Variants in QDPR observed in about 807,000 individuals in gnomAD.
The protein encoded by QDPR is quinoid dihydropteridine reductase.
QDPR carries 23 observed loss-of-function variants against 31.7 expected under a neutral mutation model. The ratio of observed to expected loss-of-function variants is 0.73; its 90% CI spans 0.52 to 1.03. The LOEUF (loss-of-function observed/expected upper bound fraction) is 1.03, where lower values mean the gene tolerates loss of function less well. Ranked by LOEUF, QDPR falls within the 50% of genes least tolerant of loss-of-function variation. The pLI is 0.00. For synonymous variants in QDPR, 124 were observed against 124.7 expected, an observed-to-expected ratio of 0.99 and a Z score of 0.03; for missense variants, 324 against 323.8, an observed-to-expected ratio of 1.00 and a Z score of 0.00.
chr4:17,501,542 A>C (rs1193306508), intron 4 of QDPR, among the ~76,000 whole-genome samples, 177 bp downstream of exon 4: 1 of 152,134 alleles, frequency 6.6e-6, no homozygotes, highest in Non-Finnish European at 1.5e-5. Context: ...AGGCAAACAA[A>C]AGATCAGAAC....
chr4:17,488,158 G>A (rs1297840394), intron 6 of QDPR, among the ~76,000 whole-genome samples: 2 of 152,036 alleles, frequency 1.3e-5, no homozygotes, highest in Non-Finnish European at 2.9e-5. Flanking sequence ...CTACTCAGGA[G>A]GCTGTGGTGG....
intron 6 of QDPR, among the ~76,000 whole-genome samples, chr4:17,488,765 G>A (rs2108985574): frequency 6.6e-6 from 1 of 152,328 alleles, no homozygotes; most frequent in Admixed American, 6.5e-5. Flanking sequence ...TTCTGGGCCA[G>A]CGCTGATGTG....
At position 17,496,442 on chromosome 4, in the gene QDPR, C is replaced by CAAAAAAAAAAAAAAAAAAA. The variant is rs747311750; in HGVS notation, c.437-4121_437-4103dup. Among the ~76,000 whole-genome samples the CAAAAAAAAAAAAAAAAAAA allele has an allele frequency of 4.3e-4, 28 of 64,614 alleles. 2 individuals carry two copies. The highest frequency in any genetic ancestry group is 1.9e-3 in the South Asian group (2 of 1,072). The allele number at this position is 64,614 out of a possible 152,430, so 42.4% of individuals were successfully genotyped here. On this transcript the variant is annotated intron_variant, in intron 4 of 6. Coordinates refer to ENST00000281243, the MANE Select transcript of QDPR (RefSeq NM_000320.3). ...CTGGGCAATAAGGGCAAAACTGTCT[C>CAAAAAAAAAAAAAAAAAAA]AAAAAAAAAAAAAAAAAAAAAAAAA...
chr4:17,501,980 G>T, intron 3 of QDPR, 121 bp from the exon 4 acceptor site: 1 of 1,229,526 alleles, frequency 8.1e-7, no homozygotes, highest in Non-Finnish European at 1.2e-6. Context: ...CCTATCTACA[G>T]CAAGGTCTAA....
In QDPR at chr4:17,486,972, CT is replaced by C; in HGVS notation, c.*158del. ...CTTTACTTCACATAAATGTATTACACTGTCCTAGGAGAGCAAATGCATATTA... is the reference window on the plus strand; with the variant it reads ...CTTTACTTCACATAAATGTATTACACGTCCTAGGAGAGCAAATGCATATTA... On this transcript the variant is annotated 3_prime_UTR_variant, in exon 7 of 7. Coordinates refer to ENST00000281243, the MANE Select transcript of QDPR (RefSeq NM_000320.3). 1.5e-6 allele frequency: 1 copy of C among 677,940 alleles called. No individual in the cohort carries two copies. The highest frequency in any genetic ancestry group is 1.6e-5 in the South Asian group (1 of 60,750). The allele number at this position is 677,940 out of a possible 1,614,324, so 42.0% of individuals were successfully genotyped here.
intron 2 of QDPR, among the ~76,000 whole-genome samples, chr4:17,507,920 T>C (rs1051370960): frequency 5.3e-5 from 8 of 152,140 alleles, no homozygotes; most frequent in Non-Finnish European, 1.0e-4. Context: ...CTAAGATATT[T>C]ATACCAGGAT....
rs557365114 is a variant in QDPR, at chr4:17,509,512, G to A, written c.106-149C>T. The A allele has an allele frequency of 1.7e-5, 12 of 715,362 alleles. No individual in the cohort carries two copies. The African/African-American group carries it at 2.1e-4, about 13-fold the overall frequency. 44.3% of individuals were successfully genotyped at this position (715,362 alleles called of 1,614,324 possible). A position where few individuals can be genotyped will look rare whatever the true frequency, so the allele number is the denominator to read the frequency against. ...GAGCCAATGTGGGAGGATCTCTTGA[G>A]GCCAAGAGTTTGAGACCAGCCTGGG... On this transcript the variant is annotated intron_variant, in intron 1 of 6. Transcript: ENST00000281243.
chr4:17,489,665 A>T (rs1207362968), intron 6 of QDPR, among the ~76,000 whole-genome samples: 1 of 152,178 alleles, frequency 6.6e-6, no homozygotes, highest in Non-Finnish European at 1.5e-5. Flanking sequence ...CTCCTCCCTC[A>T]GAGTTTGCTA....
intron 3 of QDPR, among the ~76,000 whole-genome samples, 200 bp from the exon 4 acceptor site, chr4:17,502,059 T>C (rs1718584858): frequency 6.6e-6 from 1 of 152,352 alleles, no homozygotes; most frequent in Admixed American, 6.5e-5. Context: ...TGCCTGAGGT[T>C]CAGCTTCCTT....
intron 4 of QDPR, among the ~76,000 whole-genome samples, chr4:17,495,428 C>T (rs1259979281): frequency 6.6e-6 from 1 of 152,202 alleles, no homozygotes; most frequent in Non-Finnish European, 1.5e-5. Flanking sequence ...CGGCACAGCA[C>T]ACCAGAAAGA....
At chr4:17,492,182 G>A (rs774762140) in intron 5 of QDPR, 50 bp downstream of exon 5, 2 of 1,501,682 alleles carry the variant, frequency 1.3e-6, no homozygotes, top group South Asian at 2.3e-5. Flanking sequence ...ACGGTCACCT[G>A]CAGCAGTGGG....
intron 2 of QDPR, among the ~76,000 whole-genome samples, chr4:17,505,189 T>C (rs1446023270): frequency 1.3e-5 from 2 of 151,792 alleles, no homozygotes; most frequent in Non-Finnish European, 1.5e-5. Flanking sequence ...TTCTCTGGAA[T>C]GGCTGAGATG....
chr4:17,502,743 T>C (rs995317605), intron 3 of QDPR, among the ~76,000 whole-genome samples: 2 of 152,156 alleles, frequency 1.3e-5, no homozygotes, highest in African/African-American at 4.8e-5. Context: ...AAAACTACCA[T>C]TTTCCAACCC....
At chr4:17,509,953 A>G (rs1320269221) in intron 1 of QDPR, 1 of 456,228 alleles carries the variant, frequency 2.2e-6, no homozygotes, top group Admixed American at 2.3e-5. Context: ...TGCTGGCCAT[A>G]TGGTATCTGT....
intron 1 of QDPR, among the ~76,000 whole-genome samples, chr4:17,511,542 C>T (rs1719006892): frequency 1.3e-5 from 2 of 152,196 alleles, no homozygotes; most frequent in Non-Finnish European, 2.9e-5. Flanking sequence ...AATGGGGAAA[C>T]CGAGGTCCTA....
At chr4:17,510,238 A>G (rs1241268460) in intron 1 of QDPR, among the ~76,000 whole-genome samples, 1 of 152,220 alleles carries the variant, frequency 6.6e-6, no homozygotes, top group Non-Finnish European at 1.5e-5. Flanking sequence ...TTAGGATTGG[A>G]AATCAGACAG....
At position 17,501,923 on chromosome 4, in the gene QDPR, C is replaced by T. The variant is rs3733571; in HGVS notation, c.296-64G>A. 71,376 of 1,605,594 alleles carry T rather than the reference C, an allele frequency of 0.044. 1,772 individuals carry two copies. The highest frequency in any genetic ancestry group is 0.071 in the East Asian group (3,175 of 44,762). ...AAGAAACCAAAAGGTGAGCTCAACT[C>T]ATGCAGCCCCACACTCAGGGAGGCC... On this transcript the variant is annotated intron_variant, in intron 3 of 6. Transcript: ENST00000281243.
At chr4:17,495,505 C>T (rs1397051126) in intron 4 of QDPR, among the ~76,000 whole-genome samples, 3 of 152,170 alleles carry the variant, frequency 2.0e-5, no homozygotes, top group Admixed American at 6.5e-5. Context: ...GTGACTTGGG[C>T]GAGCAGCTCT....
In QDPR at chr4:17,501,707, A is replaced by G. The variant is rs1718566737; in HGVS notation, c.436+12T>C. The G allele has an allele frequency of 2.5e-6, 4 of 1,613,660 alleles. No individual in the cohort carries two copies. The East Asian group carries it at 8.9e-5, about 36-fold the overall frequency. Reference sequence around the variant, plus strand: ...GCAACCCCACTCCACAGATAGGGAAATAAAGGCTTACCAGGAGTCCCATCC... The same window carrying G: ...GCAACCCCACTCCACAGATAGGGAAGTAAAGGCTTACCAGGAGTCCCATCC... On this transcript the variant is annotated intron_variant, in intron 4 of 6. Coordinates refer to ENST00000281243, the MANE Select transcript of QDPR (RefSeq NM_000320.3).
Sources: allele counts gnomAD v4.1 joint callset (sites outside exome capture counted in the v4.1 genomes callset), GRCh38; gene constraint gnomAD v4.1.1; transcripts MANE v1.5; gene names NCBI Gene and HGNC (gene_info 2026-07-23, HGNC 2026-07-21).